SLC39A11: variants seen among roughly 807,000 people sequenced by gnomAD.
The protein encoded by SLC39A11 is zinc transporter ZIP11.
SLC39A11 carries 33 observed loss-of-function variants against 36.1 expected under a neutral mutation model. That is an observed-to-expected ratio of 0.91 (90% CI 0.69 to 1.22). SLC39A11 has a LOEUF of 1.22. Among genes scored for constraint, SLC39A11 ranks in the 50% most tolerant of loss-of-function variants. The pLI is 0.00. For synonymous variants in SLC39A11, 166 were observed against 170.3 expected (o/e 0.97, Z 0.20); for missense variants, 432 against 430.3 (o/e 1.00, Z -0.03).
At position 72,816,246 on chromosome 17, in the gene SLC39A11, A is replaced by G. The variant is rs2077580016; in HGVS notation, c.601+33388T>C. Reference sequence around the variant, plus strand: ...GGGACTTGAACTTAGGAATCCCTACATGTTGGGGAGAACAGGATGCTGTAA... The same window carrying G: ...GGGACTTGAACTTAGGAATCCCTACGTGTTGGGGAGAACAGGATGCTGTAA... On this transcript the variant is annotated intron_variant, in intron 6 of 9. Transcript: ENST00000255559. Among the ~76,000 whole-genome samples the G allele has an allele frequency of 2.0e-5, 3 of 152,240 alleles. No homozygotes were observed. In the South Asian group the frequency reaches 6.2e-4, roughly 31 times the overall value.
chr17:72,779,670 C>A (rs924084636), intron 6 of SLC39A11, among the ~76,000 whole-genome samples: 14 of 152,178 alleles, frequency 9.2e-5, no homozygotes, highest in African/African-American at 3.4e-4. Flanking sequence ...TTCATGGCAG[C>A]ATCTCAAGTT....
intron 4 of SLC39A11, among the ~76,000 whole-genome samples, chr17:73,002,616 C>A (rs369348236): frequency 6.6e-6 from 1 of 152,210 alleles, no homozygotes; most frequent in Non-Finnish European, 1.5e-5. Flanking sequence ...AGCTCCCCTG[C>A]AAGGCAAGAG....
intron 4 of SLC39A11, among the ~76,000 whole-genome samples, chr17:72,990,513 G>A (rs1291403201): frequency 6.6e-6 from 1 of 152,062 alleles, no homozygotes; most frequent in African/African-American, 2.4e-5. Flanking sequence ...GGCTTCCCAG[G>A]TTCAAGCGAT....
At chr17:73,069,889 T>C (rs2060109142) in intron 3 of SLC39A11, among the ~76,000 whole-genome samples, 1 of 152,168 alleles carries the variant, frequency 6.6e-6, no homozygotes, top group South Asian at 2.1e-4. Flanking sequence ...ACAAGCTAGC[T>C]AAACACTCAA....
At chr17:72,943,962 G>A (rs953127518) in intron 5 of SLC39A11, among the ~76,000 whole-genome samples, 6 of 152,144 alleles carry the variant, frequency 3.9e-5, no homozygotes, top group Non-Finnish European at 8.8e-5. Context: ...GAGTGGGACT[G>A]AATTAAGAAG....
At chr17:72,673,556 G>T (rs1044488103) in intron 7 of SLC39A11, among the ~76,000 whole-genome samples, 3 of 149,940 alleles carry the variant, frequency 2.0e-5, no homozygotes, top group Non-Finnish European at 4.5e-5. Context: ...TGTTTGCACA[G>T]TTTTTTTTTT....
chr17:72,886,065 C>G (rs535135841), intron 5 of SLC39A11, among the ~76,000 whole-genome samples: 1 of 152,162 alleles, frequency 6.6e-6, no homozygotes, highest in South Asian at 2.1e-4. Flanking sequence ...TCCAAGAAAC[C>G]TTTCTCCCCC....
Position 72,997,450 on chromosome 17 carries a change from G to A in SLC39A11, c.306+34106C>T, listed in dbSNP as rs754547936. On this transcript the variant is annotated intron_variant, in intron 4 of 9. Coordinates refer to ENST00000255559, the MANE Select transcript of SLC39A11 (RefSeq NM_139177.4). Reference sequence around the variant, plus strand: ...ATATTTTTAATGGAGATGGGGTTTCGCCATGTTGGCCAGGCTGGTCTTGAA... The same window carrying A: ...ATATTTTTAATGGAGATGGGGTTTCACCATGTTGGCCAGGCTGGTCTTGAA... Among the ~76,000 whole-genome samples, 8 of 151,864 alleles carry A rather than the reference G, an allele frequency of 5.3e-5. 1 individual carries two copies. The highest frequency in any genetic ancestry group is 4.2e-4 in the South Asian group (2 of 4,814).
At chr17:72,909,429 C>T (rs1428021613) in intron 5 of SLC39A11, among the ~76,000 whole-genome samples, 1 of 152,218 alleles carries the variant, frequency 6.6e-6, no homozygotes, top group African/African-American at 2.4e-5. Flanking sequence ...TCATTATTAG[C>T]ACCCATCAGA....
At chr17:73,008,424 T>C (rs975979963) in intron 4 of SLC39A11, among the ~76,000 whole-genome samples, 9 of 152,212 alleles carry the variant, frequency 5.9e-5, no homozygotes, top group African/African-American at 2.2e-4. Flanking sequence ...GGCCGCTCCC[T>C]CTGCCCGTGC....
intron 5 of SLC39A11, among the ~76,000 whole-genome samples, chr17:72,898,980 C>G (rs1377167280): frequency 2.6e-5 from 4 of 152,204 alleles, no homozygotes; most frequent in African/African-American, 9.7e-5. Flanking sequence ...GTGTTCAGAA[C>G]TGTTTAAGTA....
chr17:72,823,998 T>C (rs2077908102), intron 6 of SLC39A11: 1 of 151,226 alleles, frequency 6.6e-6, no homozygotes, highest in African/African-American at 2.4e-5. Context: ...GAAAAATTTT[T>C]TCAATGCCAA....
At chr17:72,795,134 T>C (rs2076854620) in intron 6 of SLC39A11, among the ~76,000 whole-genome samples, 1 of 152,118 alleles carries the variant, frequency 6.6e-6, no homozygotes, top group Admixed American at 6.5e-5. Context: ...TCCCTGCAAA[T>C]TTGGTGGCTC....
At chr17:72,900,843 C>T (rs1238086091) in intron 5 of SLC39A11, among the ~76,000 whole-genome samples, 4 of 152,140 alleles carry the variant, frequency 2.6e-5, no homozygotes, top group African/African-American at 4.8e-5. Context: ...GCAGCAATTA[C>T]AGAGTTCAGC....
At chr17:72,758,181 C>G (rs557763388) in intron 6 of SLC39A11, among the ~76,000 whole-genome samples, 4 of 152,238 alleles carry the variant, frequency 2.6e-5, no homozygotes, top group Admixed American at 2.6e-4. Context: ...CCACTGCTCC[C>G]AGTCTTTAGT....
At chr17:72,958,866 G>GAAAAAAAAAAAAA (rs1352681278) in intron 4 of SLC39A11, among the ~76,000 whole-genome samples, 1 of 95,434 alleles carries the variant, frequency 1.0e-5, no homozygotes, top group Non-Finnish European at 2.2e-5. Context: ...AAAGAAAAAA[G>GAAAAAAAAAAAAA]AAAAAAAAAA....
chr17:72,977,086 C>G (rs1568055900), intron 4 of SLC39A11, among the ~76,000 whole-genome samples: 1 of 152,110 alleles, frequency 6.6e-6, no homozygotes, highest in African/African-American at 2.4e-5. Context: ...CTGACCTAGT[C>G]CCAGGAGCCC....
intron 5 of SLC39A11, among the ~76,000 whole-genome samples, chr17:72,911,288 G>T (rs987942281): frequency 2.2e-4 from 34 of 151,968 alleles, no homozygotes; most frequent in Admixed American, 5.9e-4. Context: ...AGGGGGGAAG[G>T]ATAGCATTAG....
intron 5 of SLC39A11, among the ~76,000 whole-genome samples, chr17:72,894,700 C>A (rs1567900443): frequency 1.3e-5 from 2 of 149,912 alleles, no homozygotes; most frequent in Admixed American, 6.7e-5. Flanking sequence ...CTAGAGGGAA[C>A]CTAGAAGGAG....
Sources: gnomAD v4.1 joint callset for allele counts (sites outside exome capture counted in the v4.1 genomes callset) on GRCh38, gnomAD v4.1.1 for gene constraint, MANE v1.5 for transcripts, NCBI Gene and HGNC (gene_info 2026-07-23, HGNC 2026-07-21) for gene names.